The following SCEL variants were observed in gnomAD, a reference collection of about 807,000 sequenced individuals.
SCEL encodes the protein sciellin.
A neutral mutation model predicts 117.6 loss-of-function variants in SCEL; 113 were observed. The ratio of observed to expected loss-of-function variants is 0.96; its 90% CI spans 0.83 to 1.12. The LOEUF (loss-of-function observed/expected upper bound fraction) is 1.12. Among genes scored for constraint, SCEL ranks in the 50% most tolerant of loss-of-function variants. The probability of loss-of-function intolerance (pLI) is 0.00; values close to 1 mark genes in which losing one functional copy is unlikely to be tolerated. For synonymous variants in SCEL, 270 were observed against 256.2 expected, an observed-to-expected ratio of 1.05 and a Z score of -0.51; for missense variants, 785 against 810.8, an observed-to-expected ratio of 0.97 and a Z score of 0.39.
intron 9 of SCEL, 80 bp from the exon 10 acceptor site, chr13:77,589,064 C>A: frequency 1.0e-6 from 1 of 987,074 alleles, no homozygotes; most frequent in Admixed American, 1.9e-5. Flanking sequence ...TTTATGTAGG[C>A]AATAAATGCA....
intron 28 of SCEL, among the ~76,000 whole-genome samples, chr13:77,629,997 A>C (rs1421469860): frequency 6.6e-6 from 1 of 152,178 alleles, no homozygotes; most frequent in Non-Finnish European, 1.5e-5. Flanking sequence ...TTTTACATAG[A>C]AAGAAAGGTG....
At chr13:77,598,713 C>T (rs1484096282) in intron 13 of SCEL, among the ~76,000 whole-genome samples, 1 of 152,028 alleles carries the variant, frequency 6.6e-6, no homozygotes, top group Non-Finnish European at 1.5e-5. Context: ...GACAGGGTCT[C>T]GCTCTGTCGC....
At chr13:77,560,541 T>G (rs1317203868) in intron 4 of SCEL, among the ~76,000 whole-genome samples, 1 of 152,200 alleles carries the variant, frequency 6.6e-6, no homozygotes, top group Non-Finnish European at 1.5e-5. Flanking sequence ...GTTCACTTGC[T>G]TTATGGGACA....
chr13:77,556,557 A>G (rs1342697302), intron 2 of SCEL, 39 bp from the exon 3 acceptor site: 18 of 1,549,500 alleles, frequency 1.2e-5, no homozygotes, highest in Middle Eastern at 3.4e-4. Flanking sequence ...TCAACTCCAC[A>G]CTATTACATC....
chr13:77,637,343 T>TATACATATATAAAC (rs2090341916), intron 30 of SCEL, 149 bp downstream of exon 30: 2 of 170,856 alleles, frequency 1.2e-5, no homozygotes, highest in South Asian at 2.0e-4. Flanking sequence ...TATAAACATA[T>TATACATATATAAAC]ATACATATAT....
chr13:77,603,005 G>T (rs2087829654), intron 17 of SCEL, 71 bp from the exon 18 acceptor site: 1 of 836,268 alleles, frequency 1.2e-6, no homozygotes, highest in Admixed American at 2.7e-5. Context: ...TAATCATTGG[G>T]AATACAGAAG....
At chr13:77,641,673 A>C (rs376698012) in intron 31 of SCEL, among the ~76,000 whole-genome samples, 1 of 152,292 alleles carries the variant, frequency 6.6e-6, no homozygotes, top group East Asian at 1.9e-4. Context: ...TCTAATGTAC[A>C]GTCAGTTGGA....
chr13:77,545,247 A>G (rs1245399807), intron 1 of SCEL, among the ~76,000 whole-genome samples: 1 of 152,236 alleles, frequency 6.6e-6, no homozygotes, highest in Non-Finnish European at 1.5e-5. Context: ...TTGGAATGAA[A>G]CTGAAACGTG....
At chr13:77,540,535 T>C (rs1396099384) in intron 1 of SCEL, among the ~76,000 whole-genome samples, 2 of 152,110 alleles carry the variant, frequency 1.3e-5, no homozygotes, top group African/African-American at 4.8e-5. Flanking sequence ...GGATATAGAA[T>C]GTGTGATCTG....
intron 19 of SCEL, among the ~76,000 whole-genome samples, chr13:77,607,146 C>A (rs944187955): frequency 2.6e-5 from 4 of 152,060 alleles, no homozygotes; most frequent in Non-Finnish European, 4.4e-5. Flanking sequence ...TCATGGGGAT[C>A]TTCTCACCTC....
At chr13:77,571,039 C>T (rs2085576581) in intron 8 of SCEL, among the ~76,000 whole-genome samples, 1 of 151,252 alleles carries the variant, frequency 6.6e-6, no homozygotes, top group Non-Finnish European at 1.5e-5. Context: ...ACCATTTTTG[C>T]CAGGCTGGTC....
chr13:77,641,487 T>C (rs2090554610), intron 31 of SCEL, among the ~76,000 whole-genome samples: 1 of 152,164 alleles, frequency 6.6e-6, no homozygotes, highest in Non-Finnish European at 1.5e-5. Context: ...TTGGCCTCAG[T>C]TTCCCTAACT....
chr13:77,625,002 T>G (rs1261971324), intron 27 of SCEL, among the ~76,000 whole-genome samples: 2 of 152,198 alleles, frequency 1.3e-5, no homozygotes, highest in Non-Finnish European at 2.9e-5. Context: ...TACTCTCAAG[T>G]TGTAATGAAA....
At chr13:77,621,351 C>T (rs1054816310) in intron 27 of SCEL, among the ~76,000 whole-genome samples, 3 of 152,132 alleles carry the variant, frequency 2.0e-5, no homozygotes, top group African/African-American at 7.2e-5. Context: ...AAGCAAACCC[C>T]ACCCACACAC....
At chr13:77,642,359 C>G (rs949948750) in intron 31 of SCEL, among the ~76,000 whole-genome samples, 1 of 152,188 alleles carries the variant, frequency 6.6e-6, no homozygotes, top group African/African-American at 2.4e-5. Context: ...CTACTTCTAA[C>G]CAGCACAACT....
At chr13:77,569,191 A>G (rs543173738) in intron 7 of SCEL, among the ~76,000 whole-genome samples, 180 bp from the exon 8 acceptor site, 9 of 152,356 alleles carry the variant, frequency 5.9e-5, no homozygotes, top group Non-Finnish European at 1.2e-4. Flanking sequence ...TGAGAACCTG[A>G]CAACTTCTAA....
rs374537294 is a variant in SCEL at position 77,593,300 on chromosome 13, G to GCGCGCGCGTC, written c.693-214_693-213insCGCGCGCGTC. ...TGTGTGTGTGTGTGTGTGTGTGTCT[G>GCGCGCGCGTC]TGTGTGTGTGTGTGTGTGTCAGTGG... On this transcript the variant is annotated intron_variant, in intron 11 of 32. Coordinates refer to ENST00000349847, the MANE Select transcript of SCEL (RefSeq NM_144777.3). 2.8e-3 allele frequency among the ~76,000 whole-genome samples: 410 copies of GCGCGCGCGTC among 145,198 alleles called. 8 individuals are homozygous for GCGCGCGCGTC. The highest frequency in any genetic ancestry group is 3.6e-3 in the Non-Finnish European group (238 of 65,566).
intron 5 of SCEL, among the ~76,000 whole-genome samples, chr13:77,564,759 A>G (rs2085190822): frequency 6.6e-6 from 1 of 152,194 alleles, no homozygotes; most frequent in Non-Finnish European, 1.5e-5. Context: ...ACAGCATCCA[A>G]TAGATTCTAA....
chr13:77,581,891 G>A (rs951398234), intron 9 of SCEL, among the ~76,000 whole-genome samples: 1 of 152,160 alleles, frequency 6.6e-6, no homozygotes, highest in African/African-American at 2.4e-5. Flanking sequence ...CTGAGGGAAT[G>A]GAGGCTTGCA....
Sources: allele counts gnomAD v4.1 joint callset (sites outside exome capture counted in the v4.1 genomes callset), GRCh38; gene constraint gnomAD v4.1.1; transcripts MANE v1.5; gene names NCBI Gene and HGNC (gene_info 2026-07-23, HGNC 2026-07-21).